SMCO2: variants seen among roughly 807,000 people sequenced by gnomAD.
SMCO2 encodes the protein single-pass membrane and coiled-coil domain-containing protein 2.
In SMCO2, 25 loss-of-function variants were observed where a neutral mutation model predicts 29.5. The observed-to-expected ratio is 0.85, with a 90% confidence interval of 0.62 to 1.18. The LOEUF is 1.18. SMCO2 is among the 50% of genes most tolerant of loss of function. The pLI is 0.00. For missense variants in SMCO2, 348 were observed against 344.5 expected (o/e 1.01, Z -0.08); for synonymous variants, 117 against 123.3 (o/e 0.95, Z 0.34).
At chr12:27,464,983 C>T (rs1320528889), upstream of SMCO2, among the ~76,000 whole-genome samples, 4 of 132,270 alleles carry the variant, frequency 3.0e-5, no homozygotes, top group Admixed American at 8.3e-5. Flanking sequence ...GAGCCGAGAT[C>T]GTACCACTGC....
upstream of SMCO2, among the ~76,000 whole-genome samples, chr12:27,464,372 C>G (rs542904018): frequency 9.2e-5 from 14 of 152,072 alleles, no homozygotes; most frequent in Non-Finnish European, 1.9e-4. Flanking sequence ...CTGAGGAAGA[C>G]AGAAACCAGC....
the SMCO2 span, among the ~76,000 whole-genome samples, chr12:27,427,127 G>C: frequency 1.3e-5 from 2 of 152,188 alleles, no homozygotes; most frequent in Non-Finnish European, 2.9e-5. Flanking sequence ...TGCTAATAGA[G>C]TATGGGAAGG....
the SMCO2 span, among the ~76,000 whole-genome samples, chr12:27,447,553 C>G: frequency 6.6e-6 from 1 of 151,946 alleles, no homozygotes; most frequent in African/African-American, 2.4e-5. Context: ...AGCCCAGGAG[C>G]CTGAGACCAG....
the SMCO2 span, among the ~76,000 whole-genome samples, chr12:27,456,759 C>T: frequency 9.2e-5 from 14 of 152,104 alleles, no homozygotes; most frequent in African/African-American, 3.4e-4. Flanking sequence ...TGGTCTAGAG[C>T]AGGGGTTCCC....
the SMCO2 span, among the ~76,000 whole-genome samples, chr12:27,457,930 C>T: frequency 4.6e-5 from 7 of 152,150 alleles, no homozygotes; most frequent in African/African-American, 1.4e-4. Context: ...CTATCTCATT[C>T]TTTTTTGTTT....
At chr12:27,461,576 C>T in the SMCO2 span, among the ~76,000 whole-genome samples, 7 of 152,256 alleles carry the variant, frequency 4.6e-5, no homozygotes, top group Middle Eastern at 3.4e-3. Context: ...ACAGAACCCA[C>T]GGATAAGGAG....
At chr12:27,463,134 T>TGTCAAG (rs1357312631), upstream of SMCO2, among the ~76,000 whole-genome samples, 1 of 152,206 alleles carries the variant, frequency 6.6e-6, no homozygotes, top group East Asian at 1.9e-4. Context: ...TCAGGAAAGC[T>TGTCAAG]GTCAAGGTCA....
chr12:27,444,703 C>T, the SMCO2 span, among the ~76,000 whole-genome samples: 3 of 152,114 alleles, frequency 2.0e-5, no homozygotes, highest in Non-Finnish European at 2.9e-5. Context: ...CCTACAAGGA[C>T]GTGGAGAAAG....
chr12:27,475,971 A>G (rs1477325034), intron 4 of SMCO2, among the ~76,000 whole-genome samples: 1 of 152,006 alleles, frequency 6.6e-6, no homozygotes, highest in African/African-American at 2.4e-5. Flanking sequence ...TTTATTTGAA[A>G]TCTTTCTACT....
chr12:27,475,685 G>A lies in SMCO2; in HGVS notation c.362+772G>A, dbSNP rs1409375607. ...TTACATAGACGGAACGGAGAAAATT[G>A]ACAATATTATTAAAAAAATAAATGT... On this transcript the variant is annotated intron_variant, in intron 4 of 7. Transcript: ENST00000298876. 1.9e-6 allele frequency: 3 copies of A among 1,548,690 alleles called. No individual in the cohort carries two copies. The East Asian group carries it at 7.4e-5, about 38-fold the overall frequency.
chr12:27,438,929 C>CT, the SMCO2 span, among the ~76,000 whole-genome samples: 3,061 of 152,198 alleles, frequency 0.02, 111 homozygotes, highest in African/African-American at 0.07. Flanking sequence ...ACTTCTGCAC[C>CT]TGCAATACCC....
intron 4 of SMCO2, among the ~76,000 whole-genome samples, chr12:27,481,232 G>C (rs1949640383): frequency 6.6e-6 from 1 of 152,206 alleles, no homozygotes; most frequent in African/African-American, 2.4e-5. Context: ...TGGTCTCAGT[G>C]GGTGTGTAAG....
the SMCO2 span, among the ~76,000 whole-genome samples, chr12:27,426,761 C>T: frequency 6.6e-6 from 1 of 152,110 alleles, no homozygotes; most frequent in Non-Finnish European, 1.5e-5. Flanking sequence ...ACCCAAATAA[C>T]AGTAGAAATT....
chr12:27,491,252 C>T lies in SMCO2; in HGVS notation c.450+2705C>T, dbSNP rs190983494. Among the ~76,000 whole-genome samples the T allele has an allele frequency of 7.9e-5, 12 of 152,086 alleles. No individual in the cohort carries two copies. In the East Asian group the frequency reaches 1.9e-3, roughly 24 times the overall value. ...ATTTTTTAAAAAAGCAAAACAGAAA[C>T]GAAAGTATGTGAAAGAACTTCAAGC... On this transcript the variant is annotated intron_variant, in intron 5 of 7. Coordinates refer to ENST00000298876, the Ensembl canonical transcript of SMCO2.
exon 2 of SMCO2, chr12:27,470,702 A>C: frequency 1.9e-6 from 3 of 1,551,336 alleles, no homozygotes; most frequent in Non-Finnish European, 2.6e-6. Flanking sequence ...CAGGAACAAC[A>C]GCTGACTAAG....
At chr12:27,437,593 T>G in the SMCO2 span, among the ~76,000 whole-genome samples, 9 of 152,220 alleles carry the variant, frequency 5.9e-5, no homozygotes, top group Non-Finnish European at 1.5e-5. Context: ...TATTTTAAAT[T>G]GATTCCTTCA....
chr12:27,501,804 G>A (rs1024159905), intron 7 of SMCO2, 119 bp from the exon 9 acceptor site: 2 of 704,058 alleles, frequency 2.8e-6, no homozygotes, highest in African/African-American at 3.8e-5. Flanking sequence ...AATGTAAACT[G>A]AAGTCAAGAG....
chr12:27,494,836 C>CT (rs1942978800), intron 6 of SMCO2, among the ~76,000 whole-genome samples: 1 of 152,014 alleles, frequency 6.6e-6, no homozygotes. Context: ...CTTTGGCCTT[C>CT]TGCTTGGGCC....
rs1592216497 is a variant in SMCO2, at chr12:27,490,676, C to G, written c.450+2129C>G. Among the ~76,000 whole-genome samples, 5 of 152,220 alleles carry G rather than the reference C, an allele frequency of 3.3e-5. No individual in the cohort carries two copies. The South Asian group carries it at 1.0e-3, about 32-fold the overall frequency. On this transcript the variant is annotated intron_variant, in intron 5 of 7. Transcript: ENST00000298876. ...TGAATGTGGTGACTCACACCTGTAA[C>G]CCCAGCACTTTGGGAGGCCAAGGGA...
Sources: allele counts gnomAD v4.1 joint callset (sites outside exome capture counted in the v4.1 genomes callset), GRCh38; gene constraint gnomAD v4.1.1; transcripts MANE v1.5; gene names NCBI Gene and HGNC (gene_info 2026-07-23, HGNC 2026-07-21).